CPEB2: variants seen among roughly 807,000 people sequenced by gnomAD.
The protein encoded by CPEB2 is cytoplasmic polyadenylation element binding protein 2.
CPEB2 carries 56 observed loss-of-function variants against 93.6 expected under a neutral mutation model. The ratio of observed to expected loss-of-function variants is 0.60; its 90% CI spans 0.48 to 0.75. The LOEUF is 0.75. CPEB2 is among the 30% of genes least tolerant of loss of function. The pLI is 0.00. For missense variants in CPEB2, 1,579 were observed against 1,395.1 expected (o/e 1.13, Z -2.10); for synonymous variants, 764 against 586.3 (o/e 1.30, Z -4.38).
chr4:15,002,810 G>A lies in CPEB2; in HGVS notation c.137G>A (p.Gly46Asp), dbSNP rs770798840. 5.2e-6 allele frequency: 8 copies of A among 1,535,150 alleles called. No homozygotes were observed. The highest frequency in any genetic ancestry group is 6.1e-6 in the Non-Finnish European group (7 of 1,146,614). ...CCGCTGCCCTCCGCCACGCCCTTCG[G>A]CCCACTGTCGCCACCACCGTTGCCT... ...VNPLPSATPF[G>D]PLSPPPLPVT... is the part of the protein sequence containing the mutation. Residue 46 changes from glycine (G) to aspartate (D), a missense_variant, in exon 1 of 12, where the codon GGC (glycine) becomes GAC (aspartate). Transcript: ENST00000538197.
rs1327030609 is a variant in CPEB2 at position 15,003,702 on chromosome 4, G to C, written c.1029G>C (p.Gln343His). 12 of 1,434,626 alleles carry C rather than the reference G, an allele frequency of 8.4e-6. No individual in the cohort carries two copies. Among genetic ancestry groups the C allele is most frequent in the Admixed American group, 2.5e-5 (1 of 40,338 alleles). The allele number at this position is 1,434,626 out of a possible 1,614,324, so 88.9% of individuals were successfully genotyped here. A position where few individuals can be genotyped will look rare whatever the true frequency, so the allele number is the denominator to read the frequency against. Residue 343 changes from glutamine to histidine, a missense_variant, in exon 1 of 12, where the codon CAG (glutamine) becomes CAC (histidine). By Grantham distance (24) the Gln-to-His change is conservative. Coordinates refer to ENST00000538197, the MANE Select transcript of CPEB2 (RefSeq NM_001177382.2). ...ALGAGAFSSL[Q>H]SPDLPHPGGG... is the part of the protein sequence containing the mutation. Reference sequence around the variant, plus strand: ...GCGCGGGCGCCTTCAGCAGCCTGCAGAGCCCGGACCTTCCACACCCGGGCG... The same window carrying C: ...GCGCGGGCGCCTTCAGCAGCCTGCACAGCCCGGACCTTCCACACCCGGGCG...
At chr4:15,031,273 TG>T (rs1274070535) in intron 4 of CPEB2, among the ~76,000 whole-genome samples, 6 of 151,946 alleles carry the variant, frequency 3.9e-5, no homozygotes, top group African/African-American at 1.2e-4. Context: ...TGTAGGAGTT[TG>T]TTTTTTTTTT....
intron 5 of CPEB2, among the ~76,000 whole-genome samples, chr4:15,035,260 CAT>C (rs1726497392): frequency 1.3e-5 from 2 of 151,810 alleles, no homozygotes; most frequent in African/African-American, 2.4e-5. Flanking sequence ...TGGTTGCTAA[CAT>C]AGATTCTGGA....
intron 5 of CPEB2, among the ~76,000 whole-genome samples, chr4:15,038,769 A>G (rs1429368059): frequency 6.6e-6 from 1 of 151,902 alleles, no homozygotes; most frequent in Non-Finnish European, 1.5e-5. Flanking sequence ...TTGTATTTTT[A>G]GTAGAGACGA....
chr4:15,040,833 T>C (rs1299312794), intron 6 of CPEB2, among the ~76,000 whole-genome samples: 1 of 152,162 alleles, frequency 6.6e-6, no homozygotes, highest in Non-Finnish European at 1.5e-5. Context: ...ATTTTTCTGC[T>C]CTCTAAATGT....
At chr4:15,029,302 A>C (rs899034299) in intron 4 of CPEB2, among the ~76,000 whole-genome samples, 2 of 152,072 alleles carry the variant, frequency 1.3e-5, no homozygotes, top group Non-Finnish European at 2.9e-5. Context: ...CCATGAATGC[A>C]GAAGCCCCAG....
At position 15,059,342 on chromosome 4, in the gene CPEB2, A is replaced by T. The variant is rs772529192; in HGVS notation, c.2695+41A>T. 3 of 1,251,880 alleles carry T rather than the reference A, an allele frequency of 2.4e-6. No individual in the cohort carries two copies. In the African/African-American group the frequency reaches 4.4e-5, roughly 19 times the overall value. 77.5% of individuals were successfully genotyped at this position (1,251,880 alleles called of 1,614,324 possible). ...ACAATTTTGTTTAAAAAAATCATTT[A>T]AATATGTCCTAGTCAATTTAATAAA... On this transcript the variant is annotated intron_variant, in intron 10 of 11. Coordinates refer to ENST00000538197, the MANE Select transcript of CPEB2 (RefSeq NM_001177382.2).
chr4:15,065,674 G>A (rs1729634272), intron 11 of CPEB2, among the ~76,000 whole-genome samples: 1 of 152,004 alleles, frequency 6.6e-6, no homozygotes, highest in Non-Finnish European at 1.5e-5. Context: ...AGAAGTCTAG[G>A]CATGCCCTTT....
rs1392471355 is a variant in CPEB2 at position 15,004,164 on chromosome 4, G to T, written c.1491G>T (p.Val497=). 2 of 1,422,298 alleles carry T rather than the reference G, an allele frequency of 1.4e-6. No individual in the cohort carries two copies. Among genetic ancestry groups the T allele is most frequent in the East Asian group, 3.1e-5 (1 of 32,394 alleles). The allele number at this position is 1,422,298 out of a possible 1,614,324, so 88.1% of individuals were successfully genotyped here. A position where few individuals can be genotyped will look rare whatever the true frequency, so the allele number is the denominator to read the frequency against. Residue 497 remains valine, a synonymous_variant, in exon 1 of 12, where the codon GTG becomes GTT. Coordinates refer to ENST00000538197, the MANE Select transcript of CPEB2 (RefSeq NM_001177382.2). ...GCGGCCCCTTCTCGGCTACCGCTGTGCCCCCTCCGCCGCCGCCCGCCATGA... is the reference window on the plus strand; with the variant it reads ...GCGGCCCCTTCTCGGCTACCGCTGTTCCCCCTCCGCCGCCGCCCGCCATGA... ...GFGGPFSATA[V]PPPPPPAMNI... is the part of the protein sequence containing the mutation.
At chr4:15,063,820 C>T (rs1239565242) in intron 11 of CPEB2, 1 of 151,996 alleles carries the variant, frequency 6.6e-6, no homozygotes, top group Non-Finnish European at 1.5e-5. Context: ...ATACATGTGC[C>T]TTCTTAAAAA....
chr4:15,023,611 T>A (rs951955237), intron 4 of CPEB2, among the ~76,000 whole-genome samples: 1 of 152,020 alleles, frequency 6.6e-6, no homozygotes, highest in Non-Finnish European at 1.5e-5. Context: ...TTTTAAAAAA[T>A]TAGTTTAAAA....
At chr4:15,015,246 G>A (rs907499974) in intron 3 of CPEB2, among the ~76,000 whole-genome samples, 1 of 152,038 alleles carries the variant, frequency 6.6e-6, no homozygotes, top group Admixed American at 6.6e-5. Context: ...TCTGAAGCAT[G>A]TTCAAGTTTA....
In CPEB2 at chr4:15,003,092, T is replaced by A; in HGVS notation, c.419T>A (p.Phe140Tyr). Residue 140 changes from phenylalanine to tyrosine, a missense_variant, in exon 1 of 12, where the codon TTC (phenylalanine) becomes TAC (tyrosine). By Grantham distance (22) the Phe-to-Tyr change is conservative (BLOSUM62 3). Coordinates refer to ENST00000538197, the MANE Select transcript of CPEB2 (RefSeq NM_001177382.2). ...GVTHLLPSQD[F>Y]KPSLHHPSSS... ...ACCCACCTCCTCCCCTCCCAGGACTTCAAACCGAGTCTGCACCACCCCTCC... is the reference window on the plus strand; with the variant it reads ...ACCCACCTCCTCCCCTCCCAGGACTACAAACCGAGTCTGCACCACCCCTCC... The A allele has an allele frequency of 2.6e-6, 4 of 1,532,742 alleles. No individual in the cohort carries two copies. Among genetic ancestry groups the A allele is most frequent in the Non-Finnish European group, 3.5e-6 (4 of 1,145,838 alleles). The allele number at this position is 1,532,742 out of a possible 1,614,324, so 94.9% of individuals were successfully genotyped here. A position where few individuals can be genotyped will look rare whatever the true frequency, so the allele number is the denominator to read the frequency against.
Position 15,066,147 on chromosome 4 carries a change from T to C in CPEB2, c.2878-6T>C. The C allele has an allele frequency of 1.9e-6, 3 of 1,609,076 alleles. No individual in the cohort carries two copies. The highest frequency in any genetic ancestry group is 2.6e-6 in the Non-Finnish European group (3 of 1,175,938). ...CTAATGAGACTTAACTTTCTTTTTT[T>C]TCAAGGTGGAGGTAAAGCCATATGT... On this transcript the variant is annotated splice_region_variant and splice_polypyrimidine_tract_variant and intron_variant, in intron 11 of 11. Transcript: ENST00000538197.
intron 4 of CPEB2, among the ~76,000 whole-genome samples, chr4:15,019,407 G>A (rs1577387942): frequency 6.7e-6 from 1 of 149,008 alleles, no homozygotes; most frequent in Admixed American, 6.7e-5. Flanking sequence ...TCTGATTATT[G>A]TACTTTTTTC....
intron 4 of CPEB2, among the ~76,000 whole-genome samples, chr4:15,018,754 TCTCC>T (rs1724452934): frequency 6.7e-6 from 1 of 149,984 alleles, no homozygotes; most frequent in African/African-American, 2.4e-5. Context: ...CATTGTTGTT[TCTCC>T]CAGTCTTTTT....
At chr4:15,061,645 AG>A (rs1325339002) in intron 10 of CPEB2, among the ~76,000 whole-genome samples, 2 of 151,276 alleles carry the variant, frequency 1.3e-5, no homozygotes, top group South Asian at 4.2e-4. Flanking sequence ...AGTAGCTGAG[AG>A]GGAGAAAAAG....
At chr4:15,038,711 C>T (rs1039312872) in intron 5 of CPEB2, among the ~76,000 whole-genome samples, 1 of 152,024 alleles carries the variant, frequency 6.6e-6, no homozygotes, top group African/African-American at 2.4e-5. Context: ...GTCTCAGCCT[C>T]ATGAGTAGCT....
At position 15,062,095 on chromosome 4, in the gene CPEB2, C is replaced by A; in HGVS notation, c.2712C>A (p.Ile904=). ...CTTTTCAAGTGGAACTTGCTATGATCATGGACCGGCTGTATGGTGGAGTTT... is the reference window on the plus strand; with the variant it reads ...CTTTTCAAGTGGAACTTGCTATGATAATGGACCGGCTGTATGGTGGAGTTT... ...RPLRAVELAM[I]MDRLYGGVCY... The change falls in exon 11 of 12, where the codon ATC becomes ATA. Residue 904 remains isoleucine, a synonymous_variant. Coordinates refer to ENST00000538197, the MANE Select transcript of CPEB2 (RefSeq NM_001177382.2). The A allele has an allele frequency of 1.2e-6, 2 of 1,607,680 alleles. No individual in the cohort carries two copies. Among genetic ancestry groups the A allele is most frequent in the South Asian group, 1.1e-5 (1 of 90,484 alleles).
Sources: gnomAD v4.1 joint callset for allele counts (sites outside exome capture counted in the v4.1 genomes callset) on GRCh38, gnomAD v4.1.1 for gene constraint, MANE v1.5 for transcripts, NCBI Gene and HGNC (gene_info 2026-07-23, HGNC 2026-07-21) for gene names.